The following TECPR2 variants were observed in gnomAD, a reference collection of about 807,000 sequenced individuals.
TECPR2 encodes tectonin beta-propeller repeat containing 2.
TECPR2 carries 65 observed loss-of-function variants against 138.1 expected under a neutral mutation model. That is an observed-to-expected ratio of 0.47 (90% CI 0.39 to 0.58). The LOEUF (loss-of-function observed/expected upper bound fraction) is 0.58. TECPR2 is among the 20% of genes least tolerant of loss of function. The pLI, the probability that TECPR2 is intolerant of heterozygous loss-of-function variation, is 0.00. For missense variants in TECPR2, 1,553 were observed against 1,824.5 expected (o/e 0.85, Z 2.71); for synonymous variants, 746 against 749.8 (o/e 0.99, Z 0.08).
chr14:102,479,903 C>T (rs550236971), intron 17 of TECPR2, among the ~76,000 whole-genome samples: 11 of 152,332 alleles, frequency 7.2e-5, no homozygotes, highest in African/African-American at 2.2e-4. Flanking sequence ...AGCAGTGGGG[C>T]GCAGTGCTCA....
intron 4 of TECPR2, among the ~76,000 whole-genome samples, chr14:102,413,125 T>C (rs1888927004): frequency 6.6e-6 from 1 of 152,032 alleles, no homozygotes; most frequent in Non-Finnish European, 1.5e-5. Context: ...TTTCATGTAA[T>C]GGAAATTTCT....
intron 2 of TECPR2, among the ~76,000 whole-genome samples, chr14:102,382,064 C>T (rs1237138033): frequency 1.3e-5 from 2 of 152,072 alleles, no homozygotes; most frequent in Admixed American, 6.6e-5. Flanking sequence ...GAGGCCGAGG[C>T]GGGTGGATCA....
chr14:102,461,492 G>A (rs773317316), intron 16 of TECPR2, among the ~76,000 whole-genome samples: 3 of 152,102 alleles, frequency 2.0e-5, no homozygotes, highest in Non-Finnish European at 2.9e-5. Context: ...CTGCTTTGTC[G>A]AATAAAGTAA....
intron 17 of TECPR2, among the ~76,000 whole-genome samples, chr14:102,490,123 T>TGATGAAAGCCGC (rs1413619689): frequency 6.6e-6 from 1 of 152,176 alleles, no homozygotes; most frequent in Non-Finnish European, 1.5e-5. Flanking sequence ...AGCAGGTCTG[T>TGATGAAAGCCGC]GTGTTAACCC....
chr14:102,438,358 G>A lies in TECPR2; in HGVS notation c.2578+153G>A, dbSNP rs1158288583. ...TCACCAGGTTTGCCTCTTCAGGAACGTTTGAGGGGTTGTCTCCAAAGAACG... is the reference window on the plus strand; with the variant it reads ...TCACCAGGTTTGCCTCTTCAGGAACATTTGAGGGGTTGTCTCCAAAGAACG... On this transcript the variant is annotated intron_variant, in intron 10 of 19. Transcript: ENST00000359520. 11 of 899,070 alleles carry A rather than the reference G, an allele frequency of 1.2e-5. No homozygotes were observed. In the East Asian group the frequency reaches 2.5e-4, roughly 21 times the overall value. The allele number at this position is 899,070 out of a possible 1,614,324, so 55.7% of individuals were successfully genotyped here. A position where few individuals can be genotyped will look rare whatever the true frequency, so the allele number is the denominator to read the frequency against.
intron 9 of TECPR2, 143 bp from the exon 10 acceptor site, chr14:102,437,879 T>TG (rs762961506): frequency 2.8e-5 from 26 of 918,526 alleles, no homozygotes; most frequent in Non-Finnish European, 4.1e-5. Context: ...TAGCAGGGGT[T>TG]GGGAGAAGGG....
At chr14:102,382,326 G>A (rs1364347588) in intron 2 of TECPR2, among the ~76,000 whole-genome samples, 3 of 151,922 alleles carry the variant, frequency 2.0e-5, no homozygotes, top group Non-Finnish European at 4.4e-5. Context: ...TGGAGTGGCT[G>A]TATTAATATC....
intron 8 of TECPR2, 66 bp downstream of exon 8, chr14:102,432,194 G>A: frequency 7.2e-7 from 1 of 1,395,038 alleles, no homozygotes; most frequent in Non-Finnish European, 9.4e-7. Flanking sequence ...TGGGAGTGCT[G>A]CTGCTCACTG....
chr14:102,451,952 G>A (rs900315011), intron 15 of TECPR2, among the ~76,000 whole-genome samples: 1 of 151,886 alleles, frequency 6.6e-6, no homozygotes, highest in East Asian at 1.9e-4. Flanking sequence ...GCACCATGGC[G>A]CCATCCTTCC....
At chr14:102,405,206 G>T (rs1888626243) in intron 2 of TECPR2, among the ~76,000 whole-genome samples, 1 of 152,130 alleles carries the variant, frequency 6.6e-6, no homozygotes, top group Non-Finnish European at 1.5e-5. Context: ...CTACTCTGGA[G>T]GCTGAGGCAT....
intron 1 of TECPR2, among the ~76,000 whole-genome samples, chr14:102,365,676 G>A (rs2139644417): frequency 6.6e-6 from 1 of 152,332 alleles, no homozygotes; most frequent in Non-Finnish European, 1.5e-5. Context: ...TAGGCGAACT[G>A]TAGACAGAGA....
Position 102,445,819 on chromosome 14 carries a change from T to G in TECPR2, c.2947T>G (p.Leu983Val), listed in dbSNP as rs1172631995. The G allele has an allele frequency of 6.2e-7, 1 of 1,613,864 alleles. No individual in the cohort carries two copies. The part of the protein sequence containing the change: ...KCDIVSERQA[L>V]EPVCITLGDQ... ...CCTTATTTTCAGCGAAAGGCAAGCT[T>G]TAGAACCCGTCTGCATAACGCTCGG... The change falls in exon 13 of 20, where the codon TTA (leucine) becomes GTA (valine). Residue 983 changes from leucine (L) to valine (V), a missense_variant. Transcript: ENST00000359520.
chr14:102,398,411 A>G (rs1567323761), intron 2 of TECPR2, among the ~76,000 whole-genome samples: 1 of 152,182 alleles, frequency 6.6e-6, no homozygotes, highest in East Asian at 1.9e-4. Flanking sequence ...TGAAAGGGGG[A>G]GAGAGATTAT....
intron 4 of TECPR2, among the ~76,000 whole-genome samples, chr14:102,413,827 C>T (rs1477830467): frequency 2.0e-5 from 3 of 151,696 alleles, no homozygotes; most frequent in Non-Finnish European, 4.4e-5. Flanking sequence ...AAGACAGAGT[C>T]TCACTCTGCT....
At chr14:102,448,190 C>T (rs181893305) in intron 13 of TECPR2, among the ~76,000 whole-genome samples, 2 of 151,208 alleles carry the variant, frequency 1.3e-5, no homozygotes, top group Non-Finnish European at 3.0e-5. Flanking sequence ...GAACTCCTGA[C>T]CTCAAGTAAT....
intron 17 of TECPR2, among the ~76,000 whole-genome samples, chr14:102,483,010 A>AT (rs779947458): frequency 0.011 from 1,510 of 140,824 alleles, 2 homozygotes; most frequent in East Asian, 0.016. Context: ...CGCCTGGCTA[A>AT]TTTTTTTTTT....
At chr14:102,436,746 T>G (rs1252651380) in intron 9 of TECPR2, among the ~76,000 whole-genome samples, 3 of 152,218 alleles carry the variant, frequency 2.0e-5, no homozygotes, top group African/African-American at 7.2e-5. Flanking sequence ...AGTTGTGGAT[T>G]CCATCTTCCT....
intron 2 of TECPR2, among the ~76,000 whole-genome samples, chr14:102,387,493 G>A (rs1888041171): frequency 6.6e-6 from 1 of 151,272 alleles, no homozygotes; most frequent in Non-Finnish European, 1.5e-5. Flanking sequence ...CATTCAACAA[G>A]CCAATGAGAT....
chr14:102,487,792 C>T (rs1371680208), intron 17 of TECPR2, among the ~76,000 whole-genome samples: 1 of 151,734 alleles, frequency 6.6e-6, no homozygotes. Context: ...CCGCCCACCT[C>T]GGCCTCCCAA....
Sources: gnomAD v4.1 joint callset for allele counts (sites outside exome capture counted in the v4.1 genomes callset) on GRCh38, gnomAD v4.1.1 for gene constraint, MANE v1.5 for transcripts, NCBI Gene and HGNC (gene_info 2026-07-23, HGNC 2026-07-21) for gene names.